Variants in GSG1L2 observed in about 807,000 individuals in gnomAD.
The protein encoded by GSG1L2 is germ cell-specific gene 1-like protein 2.
GSG1L2 carries 15 observed loss-of-function variants against 9.0 expected under a neutral mutation model. The ratio of observed to expected loss-of-function variants is 1.67; its 90% CI spans 1.12 to 2.57. The LOEUF is 2.57. GSG1L2 is among the 30% of genes most tolerant of loss of function. The probability of loss-of-function intolerance (pLI) is 0.00; values close to 1 mark genes in which losing one functional copy is unlikely to be tolerated. For missense variants in GSG1L2, 286 were observed against 150.3 expected (o/e 1.90, Z -4.72); for synonymous variants, 127 against 57.9 (o/e 2.19, Z -5.41).
chr17:9,810,407 G>A, intron 2 of GSG1L2, 164 bp downstream of exon 2: 1 of 609,676 alleles, frequency 1.6e-6, no homozygotes, highest in Non-Finnish European at 2.9e-6. Flanking sequence ...CACACCACTG[G>A]CTATAGGGCA....
At chr17:9,809,795 C>G (rs1352543718) in intron 2 of GSG1L2, 1 of 152,292 alleles carries the variant, frequency 6.6e-6, no homozygotes, top group African/African-American at 2.4e-5. Context: ...GGAAGTCTGG[C>G]TAGCCTCACC....
At position 9,821,800 on chromosome 17, in the gene GSG1L2, C is replaced by T. The variant is rs1206651300; in HGVS notation, c.272G>A (p.Gly91Glu). The part of the protein sequence containing the change: ...DKFIQRGFHV[G>E]LWQSCEESLN... ...GCTCTCCTCGCAGGACTGCCAGAGC[C>T]CCACATGGAACCCCCGCTGAATGAA... Residue 91 changes from glycine (G) to glutamate (E), a missense_variant, in exon 1 of 5, where the codon GGG (glycine) becomes GAG (glutamate). By Grantham distance (98) the Gly-to-Glu change is moderately conservative. Coordinates refer to ENST00000399363, the MANE Select transcript of GSG1L2 (RefSeq NM_001310219.2). 4 of 703,536 alleles carry T rather than the reference C, an allele frequency of 5.7e-6. No individual in the cohort carries two copies. Among genetic ancestry groups the T allele is most frequent in the Non-Finnish European group, 7.8e-6 (3 of 385,100 alleles). 43.6% of individuals were successfully genotyped at this position (703,536 alleles called of 1,614,324 possible).
Position 9,801,533 on chromosome 17 carries a change from A to C in GSG1L2, c.*853T>G, listed in dbSNP as rs2066496852. Among the ~76,000 whole-genome samples, 2 of 152,128 alleles carry C rather than the reference A, an allele frequency of 1.3e-5. No homozygotes were observed. The highest frequency in any genetic ancestry group is 4.8e-5 in the African/African-American group (2 of 41,446). On this transcript the variant is annotated 3_prime_UTR_variant, in exon 5 of 5. Coordinates refer to ENST00000399363, the MANE Select transcript of GSG1L2 (RefSeq NM_001310219.2). The stretch of plus-strand genomic sequence containing the variant: ...ACCCACCCCCTTTCTTTTTTCAAAA[A>C]ATCAAATTATGTGTGGAACAACCTG...
In GSG1L2 at chr17:9,808,870, G is replaced by C; in HGVS notation, c.471C>G (p.Leu157=). Residue 157 remains leucine (L), a synonymous_variant, in exon 3 of 5, where the codon CTC becomes CTG. Coordinates refer to ENST00000399363, the MANE Select transcript of GSG1L2 (RefSeq NM_001310219.2). ...VSCRSPGFHW[L]RVDALVAIFM... ...AGATGGCTACCAAGGCATCCACCCT[G>C]AGCCAGTGGAACCCAGGGCTGCGAC... is the stretch of plus-strand genomic sequence containing the variant. 1 of 702,978 alleles carries C rather than the reference G, an allele frequency of 1.4e-6. No individual in the cohort carries two copies. Among genetic ancestry groups the C allele is most frequent in the Non-Finnish European group, 2.6e-6 (1 of 385,010 alleles). The allele number at this position is 702,978 out of a possible 1,614,324, so 43.5% of individuals were successfully genotyped here.
intron 2 of GSG1L2, 25 bp downstream of exon 2, chr17:9,810,546 G>A (rs755214081): frequency 1.4e-6 from 1 of 702,866 alleles, no homozygotes; most frequent in Non-Finnish European, 2.6e-6. Context: ...AGTGCTAGTG[G>A]GCAGAGTGTG....
At chr17:9,816,900 G>GTGTGTGTCTCTGTGTGTATC (rs1395575505) in intron 1 of GSG1L2, among the ~76,000 whole-genome samples, 1 of 110,626 alleles carries the variant, frequency 9.0e-6, no homozygotes, top group African/African-American at 3.8e-5. Flanking sequence ...GTGTATCTGT[G>GTGTGTGTCTCTGTGTGTATC]TGTGTGTATC....
intron 4 of GSG1L2, among the ~76,000 whole-genome samples, chr17:9,806,737 G>A (rs1322419107): frequency 6.6e-6 from 1 of 152,096 alleles, no homozygotes; most frequent in East Asian, 1.9e-4. Flanking sequence ...TTCAAAGGGG[G>A]GTAGCTAAGT....
chr17:9,814,312 G>C (rs1218336505), intron 1 of GSG1L2, among the ~76,000 whole-genome samples: 3 of 152,204 alleles, frequency 2.0e-5, no homozygotes, highest in Non-Finnish European at 4.4e-5. Context: ...AGGAGACCAG[G>C]CTCATATGAA....
chr17:9,814,015 A>G (rs1597943298), intron 1 of GSG1L2, among the ~76,000 whole-genome samples: 1 of 150,212 alleles, frequency 6.7e-6, no homozygotes, highest in African/African-American at 2.5e-5. Context: ...GCTCACTGCA[A>G]CCTCTGCCTC....
chr17:9,812,148 A>G (rs747806244), intron 1 of GSG1L2, among the ~76,000 whole-genome samples: 1 of 152,206 alleles, frequency 6.6e-6, no homozygotes, highest in Non-Finnish European at 1.5e-5. Context: ...GTTAGCATGA[A>G]CTATTATTTA....
chr17:9,810,014 C>T (rs185691477), intron 2 of GSG1L2: 1 of 153,790 alleles, frequency 6.5e-6, no homozygotes. Flanking sequence ...CAGTGGAGAG[C>T]AATGGAGAAA....
In GSG1L2 at chr17:9,816,337, GA is replaced by G. The variant is rs1442986060; in HGVS notation, c.310+5424del. On this transcript the variant is annotated intron_variant, in intron 1 of 4. Transcript: ENST00000399363. ...AAAAACCCTTCCGTGGTGTGATCCA[GA>G]AAAATGTGCACGTGCACGCGTATGC... 1.4e-4 allele frequency among the ~76,000 whole-genome samples: 21 copies of G among 152,098 alleles called. No individual in the cohort carries two copies. In the East Asian group the frequency reaches 3.9e-3, roughly 28 times the overall value.
chr17:9,802,495 G>A lies in GSG1L2; in HGVS notation c.773C>T (p.Ser258Leu), dbSNP rs75640054. ...SQHSFLEPEA[S>L]ESIWKTGAAP... is the part of the protein sequence containing the mutation. ...AGCTCCTGTTTTCCAAATGCTCTCC[G>A]AAGCCTCGGGTTCCAGGAAGCTGTG... The change falls in exon 5 of 5, where the codon TCG (serine) becomes TTG (leucine). Residue 258 changes from serine to leucine, a missense_variant. By Grantham distance (145) the Ser-to-Leu change is moderately radical. Transcript: ENST00000399363. 1.9e-4 allele frequency: 134 copies of A among 702,744 alleles called. 1 individual carries two copies. Among genetic ancestry groups the A allele is most frequent in the South Asian group, 1.0e-3 (69 of 67,578 alleles). 43.5% of individuals were successfully genotyped at this position (702,744 alleles called of 1,614,324 possible).
chr17:9,815,927 T>G (rs1304049747), intron 1 of GSG1L2, among the ~76,000 whole-genome samples: 1 of 152,128 alleles, frequency 6.6e-6, no homozygotes, highest in Non-Finnish European at 1.5e-5. Flanking sequence ...AATCCATTCA[T>G]GAATTAATGG....
In GSG1L2 at chr17:9,800,877, C is replaced by T. The variant is rs1013579103; in HGVS notation, c.*1509G>A. Among the ~76,000 whole-genome samples the T allele has an allele frequency of 6.6e-6, 1 of 152,220 alleles. No individual in the cohort carries two copies. Among genetic ancestry groups the T allele is most frequent in the African/African-American group, 2.4e-5 (1 of 41,464 alleles). The stretch of plus-strand genomic sequence containing the variant: ...CTAGGTGAGCACATGGCCCAGGGAA[C>T]CCCAGCAGACATTCTCTGGGTTGGG... On this transcript the variant is annotated 3_prime_UTR_variant, in exon 5 of 5. Coordinates refer to ENST00000399363, the MANE Select transcript of GSG1L2 (RefSeq NM_001310219.2).
At position 9,809,463 on chromosome 17, in the gene GSG1L2, G is replaced by C. The variant is rs573407750; in HGVS notation, c.359-481C>G. The stretch of plus-strand genomic sequence containing the variant: ...GAAAGGACGAACACTCCAAACCATA[G>C]AAGGGTACCTGAGAGGGTGGCTGTG... On this transcript the variant is annotated intron_variant, in intron 2 of 4. Transcript: ENST00000399363. The C allele has an allele frequency of 6.9e-5, 11 of 160,430 alleles. No homozygotes were observed. In the South Asian group the frequency reaches 1.8e-3, roughly 26 times the overall value. The allele number at this position is 160,430 out of a possible 1,614,324, so 9.9% of individuals were successfully genotyped here. A position where few individuals can be genotyped will look rare whatever the true frequency, so the allele number is the denominator to read the frequency against.
chr17:9,815,797 A>G (rs2066557235), intron 1 of GSG1L2, among the ~76,000 whole-genome samples: 1 of 152,170 alleles, frequency 6.6e-6, no homozygotes, highest in African/African-American at 2.4e-5. Context: ...AGAGGTTGCT[A>G]TGGTTTGAAT....
chr17:9,809,054 A>G (rs548254278), intron 2 of GSG1L2, 72 bp from the exon 3 acceptor site: 1 of 681,452 alleles, frequency 1.5e-6, no homozygotes. Context: ...CAATCCTTTG[A>G]TTTAGTTCAC....
chr17:9,808,299 T>TA (rs982169268), intron 3 of GSG1L2, among the ~76,000 whole-genome samples: 3 of 151,792 alleles, frequency 2.0e-5, no homozygotes, highest in Non-Finnish European at 2.9e-5. Context: ...GAAGTAGATC[T>TA]AAAAAAAAGG....
Sources: allele counts gnomAD v4.1 joint callset (sites outside exome capture counted in the v4.1 genomes callset), GRCh38; gene constraint gnomAD v4.1.1; transcripts MANE v1.5; gene names NCBI Gene and HGNC (gene_info 2026-07-23, HGNC 2026-07-21).